The following SEMA6A variants were observed in gnomAD, a reference collection of about 807,000 sequenced individuals.
The protein encoded by SEMA6A is semaphorin 6A, also known as semaphorin-6A.
SEMA6A carries 25 observed loss-of-function variants against 96.8 expected under a neutral mutation model. The ratio of observed to expected loss-of-function variants is 0.26; its 90% CI spans 0.19 to 0.36. SEMA6A has a LOEUF of 0.36. SEMA6A is among the 10% of genes least tolerant of loss of function. SEMA6A has a pLI of 1.00. For missense variants in SEMA6A, 1,363 were observed against 1,323.1 expected (o/e 1.03, Z -0.47); for synonymous variants, 612 against 518.0 (o/e 1.18, Z -2.46).
intron 1 of SEMA6A, among the ~76,000 whole-genome samples, chr5:116,515,349 G>C (rs374535592): frequency 1.3e-5 from 2 of 152,186 alleles, no homozygotes; most frequent in Non-Finnish European, 2.9e-5. Flanking sequence ...CAGAGAAGAA[G>C]GGGTGGGGGA....
intron 1 of SEMA6A, chr5:116,562,923 G>A (rs545112322): frequency 3.4e-5 from 20 of 588,210 alleles, no homozygotes; most frequent in African/African-American, 3.2e-4. Flanking sequence ...TTGCCCCCTC[G>A]GGTATGAAGA....
At chr5:116,543,412 CTCT>C (rs1715576239) in intron 1 of SEMA6A, among the ~76,000 whole-genome samples, 1 of 152,190 alleles carries the variant, frequency 6.6e-6, no homozygotes. Context: ...TTCCATTTTT[CTCT>C]TGTTTAGTTT....
intron 15 of SEMA6A, among the ~76,000 whole-genome samples, chr5:116,477,059 T>C (rs567632802): frequency 1.1e-4 from 17 of 152,268 alleles, no homozygotes; most frequent in African/African-American, 4.1e-4. Flanking sequence ...TCTGAGGAGG[T>C]TGAAGAAATG....
chr5:116,486,906 G>A lies in SEMA6A; in HGVS notation c.805C>T (p.Leu269=), dbSNP rs747674581. Residue 269 remains leucine, a synonymous_variant, in exon 10 of 19, where the codon CTG becomes TTG. Transcript: ENST00000343348. Reference sequence around the variant, plus strand: ...AGGAACGACGTCCACTGTTTCTCCAGGACTCTTTGAGATCCTCCCATATCA... The same window carrying A: ...AGGAACGACGTCCACTGTTTCTCCAAGACTCTTTGAGATCCTCCCATATCA... The part of the protein sequence containing the change: ...KNDMGGSQRV[L]EKQWTSFLKA... 5.0e-6 allele frequency: 8 copies of A among 1,613,744 alleles called. No individual in the cohort carries two copies. The highest frequency in any genetic ancestry group is 1.7e-4 in the Middle Eastern group (1 of 6,058).
At chr5:116,562,999 G>T in intron 1 of SEMA6A, 1 of 552,698 alleles carries the variant, frequency 1.8e-6, no homozygotes, top group South Asian at 1.5e-5. Context: ...GGGTCGCCGT[G>T]GTCGCCATCT....
At position 116,486,687 on chromosome 5, in the gene SEMA6A, A is replaced by AC; in HGVS notation, c.962+61dup. On this transcript the variant is annotated intron_variant, in intron 10 of 18. Transcript: ENST00000343348. ...TGCAAATATGGTTTATTAGAAGAGA[A>AC]CCCCCTGGGAGAAGGAAGCCAGGAA... 3 of 1,358,672 alleles carry AC rather than the reference A, an allele frequency of 2.2e-6. No homozygotes were observed. In the Admixed American group the frequency reaches 5.4e-5, roughly 24 times the overall value. 84.2% of individuals were successfully genotyped at this position (1,358,672 alleles called of 1,614,324 possible). A position where few individuals can be genotyped will look rare whatever the true frequency, so the allele number is the denominator to read the frequency against.
At position 116,574,780 on chromosome 5, in the gene SEMA6A, C is replaced by G. The variant is rs1222519455; in HGVS notation, c.-634G>C. On this transcript the variant is annotated 5_prime_UTR_variant, in exon 1 of 19. Coordinates refer to ENST00000343348, the MANE Select transcript of SEMA6A (RefSeq NM_020796.5). ...CCTGGGCAGCCGAGTGCGCGGGGAG[C>G]GGAGTTGGCTGCAGCCTCACCCCGT... 2 of 152,436 alleles carry G rather than the reference C, an allele frequency of 1.3e-5. No homozygotes were observed. The highest frequency in any genetic ancestry group is 4.8e-5 in the African/African-American group (2 of 41,466). The allele number at this position is 152,436 out of a possible 1,614,324, so 9.4% of individuals were successfully genotyped here. A position where few individuals can be genotyped will look rare whatever the true frequency, so the allele number is the denominator to read the frequency against.
rs769853718 is a variant in SEMA6A, at chr5:116,446,940, C to T, written c.2766G>A (p.Thr922=). 3.9e-5 allele frequency: 63 copies of T among 1,613,792 alleles called. No homozygotes were observed. The highest frequency in any genetic ancestry group is 5.1e-5 in the Non-Finnish European group (60 of 1,179,896). Residue 922 remains threonine (T), a synonymous_variant, in exon 19 of 19, where the codon ACG becomes ACA. Coordinates refer to ENST00000343348, the MANE Select transcript of SEMA6A (RefSeq NM_020796.5). ...YGVDYKRSYP[T]NSLTRSHQAT... is the part of the protein sequence containing the mutation. ...CCTGGTGGCTTCTCGTGAGCGAGTT[C>T]GTGGGGTAGCTCCTCTTATAGTCAA...
At chr5:116,552,003 T>G (rs1046323501) in intron 1 of SEMA6A, among the ~76,000 whole-genome samples, 2 of 152,226 alleles carry the variant, frequency 1.3e-5, no homozygotes, top group Non-Finnish European at 2.9e-5. Flanking sequence ...AGATTCTGAC[T>G]GCAGTTTTCT....
At chr5:116,550,924 C>T (rs1230337705) in intron 1 of SEMA6A, among the ~76,000 whole-genome samples, 2 of 152,124 alleles carry the variant, frequency 1.3e-5, no homozygotes, top group Non-Finnish European at 2.9e-5. Context: ...CCTCAAGCAG[C>T]CTCATGCCTA....
intron 1 of SEMA6A, among the ~76,000 whole-genome samples, chr5:116,515,071 T>C (rs1758603256): frequency 6.6e-6 from 1 of 152,200 alleles, no homozygotes; most frequent in Non-Finnish European, 1.5e-5. Context: ...GAGGGTTGCA[T>C]GACTGTTCAC....
intron 17 of SEMA6A, chr5:116,471,753 G>C (rs1348690993): frequency 6.6e-6 from 1 of 152,200 alleles, no homozygotes; most frequent in African/African-American, 2.4e-5. Flanking sequence ...GTATAAGCCA[G>C]TCTTTAAGAT....
chr5:116,496,821 C>A (rs1339809445), intron 4 of SEMA6A, among the ~76,000 whole-genome samples: 1 of 152,174 alleles, frequency 6.6e-6, no homozygotes. Context: ...AAGGGATCTT[C>A]TACTCCTATG....
chr5:116,495,688 G>GATTA (rs1309606941), intron 5 of SEMA6A, 174 bp from the exon 6 acceptor site: 1 of 556,446 alleles, frequency 1.8e-6, no homozygotes, highest in Admixed American at 3.3e-5. Flanking sequence ...CGACATCAAC[G>GATTA]ATTACTCTTT....
intron 1 of SEMA6A, among the ~76,000 whole-genome samples, chr5:116,572,317 G>GA (rs369355761): frequency 6.6e-5 from 10 of 152,314 alleles, no homozygotes; most frequent in Non-Finnish European, 1.3e-4. Flanking sequence ...AAAAAGGAGC[G>GA]ATCCCACTGT....
At chr5:116,487,108 GAAAGA>G (rs1757088802) in intron 9 of SEMA6A, 142 bp from the exon 10 acceptor site, 6 of 574,392 alleles carry the variant, frequency 1.0e-5, no homozygotes, top group South Asian at 6.3e-5. Flanking sequence ...AAAAAAAAAA[GAAAGA>G]AAAGAAAAAA....
chr5:116,478,820 C>A, intron 12 of SEMA6A, 102 bp from the exon 13 acceptor site: 1 of 1,139,198 alleles, frequency 8.8e-7, no homozygotes, highest in Non-Finnish European at 1.2e-6. Flanking sequence ...TAGTAATAAC[C>A]TCAAGAAAAA....
intron 16 of SEMA6A, 84 bp from the exon 17 acceptor site, chr5:116,473,177 C>T: frequency 7.5e-7 from 1 of 1,339,070 alleles, no homozygotes; most frequent in Non-Finnish European, 1.0e-6. Flanking sequence ...TGAGCTAACA[C>T]AGAACTATGC....
chr5:116,559,074 T>C (rs2112900022), intron 1 of SEMA6A, among the ~76,000 whole-genome samples: 1 of 152,360 alleles, frequency 6.6e-6, no homozygotes, highest in East Asian at 1.9e-4. Context: ...GTGGTTTTTA[T>C]AGATGCAATG....
Sources: gnomAD v4.1 joint callset for allele counts (sites outside exome capture counted in the v4.1 genomes callset) on GRCh38, gnomAD v4.1.1 for gene constraint, MANE v1.5 for transcripts, NCBI Gene and HGNC (gene_info 2026-07-23, HGNC 2026-07-21) for gene names.